ADGRL3: variants seen among roughly 807,000 people sequenced by gnomAD.
The protein encoded by ADGRL3 is adhesion G protein-coupled receptor L3, also known as calcium-independent alpha-latrotoxin receptor 3.
In ADGRL3, 62 loss-of-function variants were observed where a neutral mutation model predicts 153.5. The observed-to-expected ratio is 0.40, with a 90% CI of 0.33 to 0.50. The LOEUF (loss-of-function observed/expected upper bound fraction) is 0.50, where lower values mean the gene tolerates loss of function less well. ADGRL3 is among the 20% of genes least tolerant of loss of function. The pLI is 0.47. For missense variants in ADGRL3, 1,641 were observed against 1,859.4 expected, an observed-to-expected ratio of 0.88 and a Z score of 2.16; for synonymous variants, 710 against 672.5, an observed-to-expected ratio of 1.06 and a Z score of -0.86.
At chr4:61,636,690 T>C (rs948599852) in intron 5 of ADGRL3, among the ~76,000 whole-genome samples, 2 of 151,564 alleles carry the variant, frequency 1.3e-5, no homozygotes, top group Non-Finnish European at 2.9e-5. Context: ...CGTATGTAAA[T>C]AAATATAAAT....
Position 61,234,664 on chromosome 4 carries a change from TTAGAA to T in ADGRL3, c.-240+32905_-240+32909del, listed in dbSNP as rs754022137. On this transcript the variant is annotated intron_variant, in intron 1 of 26. Transcript: ENST00000683033. ...GAGGGTTGGTCGGAGAGCTTGGAGC[TTAGAA>T]TAGAAGGAAAGAAAATGTTTCAGAA... 2.7e-4 allele frequency among the ~76,000 whole-genome samples: 41 copies of T among 152,100 alleles called. 1 individual carries two copies. The highest frequency in any genetic ancestry group is 1.2e-3 in the Admixed American group (18 of 15,268).
At position 61,293,645 on chromosome 4, in the gene ADGRL3, G is replaced by A. The variant is rs116352856; in HGVS notation, c.-239-89479G>A. Among the ~76,000 whole-genome samples, 802 of 152,266 alleles carry A rather than the reference G, an allele frequency of 5.3e-3. 7 individuals are homozygous for A. Among genetic ancestry groups the A allele is most frequent in the African/African-American group, 0.019 (774 of 41,568 alleles). Reference sequence around the variant, plus strand: ...CAGAAATTAATAGATTCAGATGACAGTGTTTTGATTAATGCTACATTTGCT... The same window carrying A: ...CAGAAATTAATAGATTCAGATGACAATGTTTTGATTAATGCTACATTTGCT... On this transcript the variant is annotated intron_variant, in intron 1 of 26. Transcript: ENST00000683033.
rs564245427 is a variant in ADGRL3, at chr4:61,756,303, G to A, written c.1399+22749G>A. Among the ~76,000 whole-genome samples the A allele has an allele frequency of 4.5e-3, 680 of 152,202 alleles. 2 individuals are homozygous for A. The highest frequency in any genetic ancestry group is 7.7e-3 in the Non-Finnish European group (527 of 68,012). ...ATTCTCTTTTATTTCATTGAGCAGT[G>A]GTTTGTAGTTCTCCTTGAAGAGGTC... On this transcript the variant is annotated intron_variant, in intron 8 of 26. Transcript: ENST00000683033.
chr4:61,815,218 A>G (rs1341914724), intron 9 of ADGRL3, among the ~76,000 whole-genome samples: 1 of 152,204 alleles, frequency 6.6e-6, no homozygotes, highest in African/African-American at 2.4e-5. Context: ...GAGCGGTTCT[A>G]GAGGAAAAGA....
At chr4:61,648,106 C>T (rs1192365422) in intron 5 of ADGRL3, among the ~76,000 whole-genome samples, 1 of 151,862 alleles carries the variant, frequency 6.6e-6, no homozygotes, top group Non-Finnish European at 1.5e-5. Flanking sequence ...TAAATAATGG[C>T]TGTTATTATT....
chr4:61,858,868 C>T (rs147302658), intron 9 of ADGRL3, among the ~76,000 whole-genome samples: 2 of 152,132 alleles, frequency 1.3e-5, no homozygotes, highest in East Asian at 3.9e-4. Context: ...CTGTTATTTA[C>T]ATATAGAGAA....
At chr4:61,519,830 G>A (rs1241105154) in intron 4 of ADGRL3, among the ~76,000 whole-genome samples, 1 of 152,024 alleles carries the variant, frequency 6.6e-6, no homozygotes, top group Admixed American at 6.6e-5. Flanking sequence ...CTAGAAACAA[G>A]ATACTTTAAA....
In ADGRL3 at chr4:61,726,210, G is replaced by GTTTTTTTTTTTTTGTTTGTTTTT. The variant is rs149472429; in HGVS notation, c.584-4406_584-4405insTTTTTTTGTTTGTTTTTTTTTTT. Among the ~76,000 whole-genome samples the GTTTTTTTTTTTTTGTTTGTTTTT allele has an allele frequency of 1.4e-4, 16 of 118,478 alleles. 1 individual carries two copies. The highest frequency in any genetic ancestry group is 2.8e-4 in the Non-Finnish European group (16 of 58,148). 77.7% of individuals were successfully genotyped at this position (118,478 alleles called of 152,430 possible). A position where few individuals can be genotyped will look rare whatever the true frequency, so the allele number is the denominator to read the frequency against. On this transcript the variant is annotated intron_variant, in intron 6 of 26. Coordinates refer to ENST00000683033, the MANE Select transcript of ADGRL3 (RefSeq NM_001387552.1). ...AATACTCACTGGAACTTTTTTTTTT[G>GTTTTTTTTTTTTTGTTTGTTTTT]TTTTTTGAGAAGGAGTCTCACCCTG...
At chr4:61,913,040 C>T (rs2098729154) in intron 13 of ADGRL3, among the ~76,000 whole-genome samples, 1 of 151,954 alleles carries the variant, frequency 6.6e-6, no homozygotes, top group South Asian at 2.1e-4. Context: ...CTATTTTTTT[C>T]ATAGAGGTGG....
In ADGRL3 at chr4:61,782,571, T is replaced by G. The variant is rs375878885; in HGVS notation, c.1400-31238T>G. Reference sequence around the variant, plus strand: ...AAAAATATTTTAGAATGCTTTGGCTTTGTGGTTTCAAAAGAATAGTACGGA... The same window carrying G: ...AAAAATATTTTAGAATGCTTTGGCTGTGTGGTTTCAAAAGAATAGTACGGA... On this transcript the variant is annotated intron_variant, in intron 8 of 26. Transcript: ENST00000683033. 5.3e-4 allele frequency among the ~76,000 whole-genome samples: 81 copies of G among 152,258 alleles called. 1 individual carries two copies. Among genetic ancestry groups the G allele is most frequent in the African/African-American group, 1.9e-3 (79 of 41,566 alleles).
chr4:61,216,835 C>G (rs1226804964), intron 1 of ADGRL3, among the ~76,000 whole-genome samples: 1 of 152,128 alleles, frequency 6.6e-6, no homozygotes, highest in Non-Finnish European at 1.5e-5. Flanking sequence ...TAATACCTAC[C>G]TTTCAGAGTT....
At position 61,200,709 on chromosome 4, in the gene ADGRL3, CGT is replaced by C. The variant is rs1182006752; in HGVS notation, c.-1290_-1289del. Among the ~76,000 whole-genome samples, 12 of 152,050 alleles carry C rather than the reference CGT, an allele frequency of 7.9e-5. No individual in the cohort carries two copies. Among genetic ancestry groups the C allele is most frequent in the African/African-American group, 2.2e-4 (9 of 41,496 alleles). On this transcript the variant is annotated 5_prime_UTR_variant, in exon 1 of 27. Coordinates refer to ENST00000683033, the MANE Select transcript of ADGRL3 (RefSeq NM_001387552.1). ...TGGCAGGAGCTCGCTCGTGTGTGCG[CGT>C]GTGTGAGTGTGCGTGTCTGGAGAGC...
Position 61,721,155 on chromosome 4 carries a change from A to G in ADGRL3, c.584-9467A>G, listed in dbSNP as rs2096236437. Among the ~76,000 whole-genome samples the G allele has an allele frequency of 4.6e-5, 7 of 152,320 alleles. No homozygotes were observed. In the South Asian group the frequency reaches 1.4e-3, roughly 32 times the overall value. The stretch of plus-strand genomic sequence containing the variant: ...CAGTATTAAGGTTCTCTAGAGGGAC[A>G]GGACTAATAGGATAGATGTATATGT... On this transcript the variant is annotated intron_variant, in intron 6 of 26. Transcript: ENST00000683033.
At chr4:61,957,160 A>G (rs2098970318) in intron 17 of ADGRL3, among the ~76,000 whole-genome samples, 1 of 152,176 alleles carries the variant, frequency 6.6e-6, no homozygotes, top group Non-Finnish European at 1.5e-5. Context: ...GATTCGTCCT[A>G]TCCATGAAGA....
intron 2 of ADGRL3, among the ~76,000 whole-genome samples, chr4:61,462,712 T>C (rs1022380453): frequency 2.1e-4 from 32 of 152,206 alleles, no homozygotes; most frequent in African/African-American, 7.2e-4. Context: ...GTTATATTGA[T>C]AGTTTTACTT....
chr4:61,713,063 A>G (rs2096029726), intron 6 of ADGRL3, among the ~76,000 whole-genome samples: 1 of 152,214 alleles, frequency 6.6e-6, no homozygotes, highest in Non-Finnish European at 1.5e-5. Flanking sequence ...AATTGCATAA[A>G]TATGTAATGA....
chr4:61,265,538 G>T (rs1339216981), intron 1 of ADGRL3, among the ~76,000 whole-genome samples: 1 of 151,802 alleles, frequency 6.6e-6, no homozygotes, highest in East Asian at 1.9e-4. Flanking sequence ...TATATTCTAA[G>T]CAACCTCCAA....
intron 8 of ADGRL3, among the ~76,000 whole-genome samples, chr4:61,803,121 A>G (rs1017543861): frequency 2.6e-5 from 4 of 152,156 alleles, no homozygotes; most frequent in Non-Finnish European, 2.9e-5. Flanking sequence ...TACATAGCCC[A>G]GTGAACATTT....
chr4:61,904,877 C>A (rs921532814), intron 11 of ADGRL3, among the ~76,000 whole-genome samples: 1 of 152,036 alleles, frequency 6.6e-6, no homozygotes, highest in East Asian at 1.9e-4. Flanking sequence ...ACTTTTGTCA[C>A]CGTGGTACAT....
Sources: gnomAD v4.1 joint callset for allele counts (sites outside exome capture counted in the v4.1 genomes callset) on GRCh38, gnomAD v4.1.1 for gene constraint, MANE v1.5 for transcripts, NCBI Gene and HGNC (gene_info 2026-07-23, HGNC 2026-07-21) for gene names.